FHIT: variants seen among roughly 807,000 people sequenced by gnomAD.
The protein encoded by FHIT is fragile histidine triad diadenosine triphosphatase.
FHIT carries 19 observed loss-of-function variants against 17.9 expected under a neutral mutation model. That is an observed-to-expected ratio of 1.06 (90% CI 0.74 to 1.56). The LOEUF (loss-of-function observed/expected upper bound fraction) is 1.56, where lower values mean the gene tolerates loss of function less well. Among genes scored for constraint, FHIT ranks in the 40% most tolerant of loss-of-function variants. FHIT has a pLI of 0.00. For synonymous variants in FHIT, 81 were observed against 69.7 expected (o/e 1.16, Z -0.81); for missense variants, 248 against 189.2 (o/e 1.31, Z -1.82).
intron 8 of FHIT, among the ~76,000 whole-genome samples, chr3:59,763,657 C>A (rs188441585): frequency 9.9e-5 from 15 of 152,260 alleles, no homozygotes; most frequent in Admixed American, 3.3e-4. Context: ...TCTATCACTG[C>A]CTTGGGAGGG....
At chr3:61,028,431 T>C (rs1042834860) in intron 3 of FHIT, among the ~76,000 whole-genome samples, 2 of 152,134 alleles carry the variant, frequency 1.3e-5, no homozygotes, top group African/African-American at 4.8e-5. Context: ...AGTTTACACT[T>C]CAGGTCCTGG....
chr3:59,981,632 T>C (rs1480224355), intron 7 of FHIT, among the ~76,000 whole-genome samples: 3 of 152,132 alleles, frequency 2.0e-5, no homozygotes, highest in African/African-American at 7.2e-5. Flanking sequence ...GTAAAGAACA[T>C]ACCACGGTGC....
At chr3:60,861,189 ATATAT>A in intron 3 of FHIT, among the ~76,000 whole-genome samples, 1 of 14,120 alleles carries the variant, frequency 7.1e-5, no homozygotes, top group South Asian at 2.7e-3. Flanking sequence ...TATATATGAT[ATATAT>A]CATATATGAT....
intron 7 of FHIT, among the ~76,000 whole-genome samples, chr3:59,962,117 C>A (rs1029807693): frequency 6.6e-6 from 1 of 152,180 alleles, no homozygotes; most frequent in South Asian, 2.1e-4. Flanking sequence ...TGAACCAAAA[C>A]ATTTAATTCG....
rs112352685 is a variant in FHIT at position 61,140,022 on chromosome 3, C to CAA, written c.-164+60593_-164+60594dup. Among the ~76,000 whole-genome samples, 582 of 110,022 alleles carry CAA rather than the reference C, an allele frequency of 5.3e-3. 2 individuals carry two copies. The highest frequency in any genetic ancestry group is 0.017 in the Middle Eastern group (3 of 180). 72.2% of individuals were successfully genotyped at this position (110,022 alleles called of 152,430 possible). A position where few individuals can be genotyped will look rare whatever the true frequency, so the allele number is the denominator to read the frequency against. On this transcript the variant is annotated intron_variant, in intron 2 of 9. Coordinates refer to ENST00000492590, the MANE Select transcript of FHIT (RefSeq NM_002012.4). ...TAACAGCTGTCCATGCAAGAGAAAG[C>CAA]AAAAAAAAAAAAAAAATAAGAAACA...
intron 5 of FHIT, among the ~76,000 whole-genome samples, chr3:60,453,057 G>C (rs921676513): frequency 6.6e-6 from 1 of 152,114 alleles, no homozygotes; most frequent in African/African-American, 2.4e-5. Context: ...TTTAGGAAAT[G>C]CTAAAACAAA....
At chr3:60,671,457 A>T (rs2040502311) in intron 4 of FHIT, among the ~76,000 whole-genome samples, 1 of 152,184 alleles carries the variant, frequency 6.6e-6, no homozygotes, top group Admixed American at 6.5e-5. Context: ...ACAGATAGGT[A>T]CAAATGTAAT....
intron 4 of FHIT, among the ~76,000 whole-genome samples, chr3:60,576,126 A>G (rs2037557199): frequency 6.6e-6 from 1 of 152,142 alleles, no homozygotes; most frequent in Non-Finnish European, 1.5e-5. Context: ...TAGAAGTTGA[A>G]CCTCAGGCAA....
chr3:59,988,547 G>T (rs567720049), intron 7 of FHIT, among the ~76,000 whole-genome samples: 13 of 151,924 alleles, frequency 8.6e-5, no homozygotes, highest in Non-Finnish European at 1.8e-4. Context: ...ATTCACTCAG[G>T]TATTTTCTGA....
At chr3:60,966,589 G>C (rs1709757255) in intron 3 of FHIT, among the ~76,000 whole-genome samples, 1 of 152,178 alleles carries the variant, frequency 6.6e-6, no homozygotes, top group Non-Finnish European at 1.5e-5. Flanking sequence ...TGACTATAAG[G>C]GAGGCTTTTA....
chr3:60,087,885 A>G (rs977197631), intron 5 of FHIT, among the ~76,000 whole-genome samples: 5 of 151,958 alleles, frequency 3.3e-5, no homozygotes, highest in African/African-American at 1.2e-4. Flanking sequence ...ATTACCCCCA[A>G]CCACTGGGTA....
At chr3:60,666,456 T>G (rs62251490) in intron 4 of FHIT, among the ~76,000 whole-genome samples, 15,168 of 152,276 alleles carry the variant, frequency 0.1, 955 homozygotes, top group Non-Finnish European at 0.13. Context: ...CTGCTGTCAT[T>G]TGAATTGGTA....
chr3:60,834,477 C>A (rs1553743372), intron 3 of FHIT, among the ~76,000 whole-genome samples: 1 of 150,926 alleles, frequency 6.6e-6, no homozygotes. Context: ...TTTGAAAATT[C>A]TTTATATATT....
intron 5 of FHIT, among the ~76,000 whole-genome samples, chr3:60,318,679 T>C (rs1709279314): frequency 6.6e-6 from 1 of 152,206 alleles, no homozygotes; most frequent in African/African-American, 2.4e-5. Flanking sequence ...TTGACTTCAA[T>C]ACTCATTAAT....
chr3:59,989,319 T>G (rs1236153842), intron 7 of FHIT, among the ~76,000 whole-genome samples: 2 of 152,030 alleles, frequency 1.3e-5, no homozygotes, highest in Non-Finnish European at 1.5e-5. Context: ...GGGAATGAGA[T>G]GGCTGACTTC....
At chr3:59,801,149 T>G (rs985922808) in intron 8 of FHIT, among the ~76,000 whole-genome samples, 1 of 152,222 alleles carries the variant, frequency 6.6e-6, no homozygotes, top group Non-Finnish European at 1.5e-5. Flanking sequence ...GAGCACTGTA[T>G]GCCAGGCCTG....
At chr3:60,288,393 G>A (rs1055185620) in intron 5 of FHIT, among the ~76,000 whole-genome samples, 6 of 152,118 alleles carry the variant, frequency 3.9e-5, no homozygotes, top group South Asian at 4.1e-4. Context: ...GCTGGCTACC[G>A]TGCCCTCAAA....
rs533617379 is a variant in FHIT, at chr3:60,928,833, G to A, written c.-110-106822C>T. On this transcript the variant is annotated intron_variant, in intron 3 of 9. Transcript: ENST00000492590. ...CCTTCTGAAACTATTCCAATCAATA[G>A]AAAAAGAGGGAATCCTCCCTAACTC... 2.0e-4 allele frequency among the ~76,000 whole-genome samples: 31 copies of A among 152,218 alleles called. No individual in the cohort carries two copies. The East Asian group carries it at 6.0e-3, about 29-fold the overall frequency.
intron 5 of FHIT, among the ~76,000 whole-genome samples, chr3:60,040,749 G>A (rs1021507332): frequency 6.6e-6 from 1 of 152,258 alleles, no homozygotes; most frequent in Non-Finnish European, 1.5e-5. Context: ...AGAGACTGGG[G>A]AGCTGGTCCT....
Sources: gnomAD v4.1 joint callset for allele counts (sites outside exome capture counted in the v4.1 genomes callset) on GRCh38, gnomAD v4.1.1 for gene constraint, MANE v1.5 for transcripts, NCBI Gene and HGNC (gene_info 2026-07-23, HGNC 2026-07-21) for gene names.